FAT3: variants seen among roughly 807,000 people sequenced by gnomAD.
The protein encoded by FAT3 is protocadherin Fat 3.
In FAT3, 95 loss-of-function variants were observed where a neutral mutation model predicts 310.2. The observed-to-expected ratio is 0.31, with a 90% confidence interval of 0.26 to 0.36. The LOEUF is 0.36. Among genes scored for constraint, FAT3 ranks in the 10% least tolerant of loss-of-function variants. The pLI is 1.00. For synonymous variants in FAT3, 2,314 were observed against 2,192.9 expected (o/e 1.06, Z -1.54); for missense variants, 5,408 against 5,715.6 (o/e 0.95, Z 1.74).
At chr11:92,308,984 T>A (rs1228300530) in intron 1 of FAT3, among the ~76,000 whole-genome samples, 1 of 152,100 alleles carries the variant, frequency 6.6e-6, no homozygotes, top group African/African-American at 2.4e-5. Flanking sequence ...TCTGGAATTC[T>A]ACGCCCCCGG....
chr11:92,466,979 T>C (rs1951778985), intron 2 of FAT3, among the ~76,000 whole-genome samples: 1 of 152,092 alleles, frequency 6.6e-6, no homozygotes, highest in African/African-American at 2.4e-5. Context: ...ATCCAGTCTA[T>C]CATTGTTGGA....
At chr11:92,801,958 A>C in intron 10 of FAT3, 49 bp downstream of exon 10, 1 of 1,520,878 alleles carries the variant, frequency 6.6e-7, no homozygotes, top group Non-Finnish European at 9.0e-7. Flanking sequence ...TTATAAAGAA[A>C]GATGGAAGAT....
intron 1 of FAT3, among the ~76,000 whole-genome samples, chr11:92,344,445 T>G (rs1948356236): frequency 6.6e-6 from 1 of 152,172 alleles, no homozygotes; most frequent in Non-Finnish European, 1.5e-5. Context: ...TATTGCAGTA[T>G]TTGTGTTCAA....
intron 3 of FAT3, among the ~76,000 whole-genome samples, chr11:92,600,786 G>T (rs778010392): frequency 4.6e-5 from 7 of 152,130 alleles, no homozygotes; most frequent in Non-Finnish European, 7.4e-5. Flanking sequence ...AGAAAAGTAG[G>T]AAAAAGAATG....
intron 2 of FAT3, among the ~76,000 whole-genome samples, chr11:92,513,328 C>T (rs1953369719): frequency 6.6e-6 from 1 of 152,064 alleles, no homozygotes; most frequent in East Asian, 1.9e-4. Flanking sequence ...CTGTGCTGAA[C>T]AATGATTTCT....
intron 2 of FAT3, among the ~76,000 whole-genome samples, chr11:92,401,073 A>G (rs1950001995): frequency 6.6e-6 from 1 of 152,188 alleles, no homozygotes; most frequent in Non-Finnish European, 1.5e-5. Context: ...TCTTACAACA[A>G]GAGAAAAATG....
In FAT3 at chr11:92,800,404, T is replaced by C; in HGVS notation, c.7391T>C (p.Leu2464Pro). Residue 2464 changes from leucine to proline, a missense_variant, in exon 10 of 28, where the codon CTG (leucine) becomes CCG (proline). Leu to Pro is a moderately conservative substitution (Grantham distance 98, BLOSUM62 -3). Transcript: ENST00000525166. ...CATCGGAAGCAGCGGATGGAGCCTCTGTACAGTCTCAATGTGTCTGTCTCT... is the reference window on the plus strand; with the variant it reads ...CATCGGAAGCAGCGGATGGAGCCTCCGTACAGTCTCAATGTGTCTGTCTCT... ...SNHRKQRMEP[L>P]YSLNVSVSDG... 6.2e-7 allele frequency: 1 copy of C among 1,614,032 alleles called. No homozygotes were observed. The highest frequency in any genetic ancestry group is 8.5e-7 in the Non-Finnish European group (1 of 1,179,880).
chr11:92,585,087 A>G (rs974598352), intron 3 of FAT3, among the ~76,000 whole-genome samples: 6 of 152,062 alleles, frequency 3.9e-5, no homozygotes, highest in African/African-American at 1.4e-4. Context: ...GCAGTCAAAG[A>G]CAAGTTATTG....
At chr11:92,328,842 G>T (rs1394055116) in intron 1 of FAT3, among the ~76,000 whole-genome samples, 2 of 152,188 alleles carry the variant, frequency 1.3e-5, no homozygotes, top group Non-Finnish European at 2.9e-5. Flanking sequence ...GCATAGAGAA[G>T]TGGGGATATT....
intron 22 of FAT3, among the ~76,000 whole-genome samples, chr11:92,869,943 TAGA>T (rs1949344359): frequency 6.6e-6 from 1 of 152,142 alleles, no homozygotes; most frequent in African/African-American, 2.4e-5. Context: ...CTAGAGATAG[TAGA>T]AGGAGGAGCT....
At chr11:92,568,489 A>G (rs540817452) in intron 3 of FAT3, among the ~76,000 whole-genome samples, 1 of 152,290 alleles carries the variant, frequency 6.6e-6, no homozygotes, top group Admixed American at 6.5e-5. Flanking sequence ...TGATGCTAGC[A>G]ATGGAAAGAA....
intron 3 of FAT3, among the ~76,000 whole-genome samples, chr11:92,587,616 A>G (rs912365563): frequency 6.6e-6 from 1 of 151,972 alleles, no homozygotes; most frequent in Non-Finnish European, 1.5e-5. Flanking sequence ...TGAGTATTTC[A>G]TTCTGTTTTT....
At chr11:92,240,972 T>C (rs1864651261) in intron 1 of FAT3, among the ~76,000 whole-genome samples, 1 of 151,884 alleles carries the variant, frequency 6.6e-6, no homozygotes, top group African/African-American at 2.4e-5. Context: ...ATCATTTCTG[T>C]TTTTACTTTG....
intron 3 of FAT3, among the ~76,000 whole-genome samples, chr11:92,568,812 G>T (rs986559515): frequency 6.6e-6 from 1 of 152,094 alleles, no homozygotes; most frequent in African/African-American, 2.4e-5. Flanking sequence ...CTTCCCCTCT[G>T]CAGTCTTCCC....
At chr11:92,552,272 TTCTC>T (rs1243749232) in intron 3 of FAT3, among the ~76,000 whole-genome samples, 30 of 152,316 alleles carry the variant, frequency 2.0e-4, no homozygotes, top group African/African-American at 6.7e-4. Flanking sequence ...GACACATTCT[TTCTC>T]TCTTAAAATA....
intron 2 of FAT3, among the ~76,000 whole-genome samples, chr11:92,450,160 G>A (rs976048039): frequency 6.6e-6 from 1 of 152,224 alleles, no homozygotes; most frequent in Non-Finnish European, 1.5e-5. Context: ...AGCGTTGGCA[G>A]CCTCGTTGAG....
chr11:92,759,797 C>T (rs764615067), intron 4 of FAT3, among the ~76,000 whole-genome samples: 14 of 152,084 alleles, frequency 9.2e-5, no homozygotes, highest in Non-Finnish European at 1.6e-4. Flanking sequence ...TAGTGAGCAG[C>T]GAACTGTTGC....
In FAT3 at chr11:92,653,993, A is replaced by G. The variant is rs1942481176; in HGVS notation, c.3608-43391A>G. Among the ~76,000 whole-genome samples, 3 of 152,154 alleles carry G rather than the reference A, an allele frequency of 2.0e-5. No homozygotes were observed. The South Asian group carries it at 6.2e-4, about 32-fold the overall frequency. On this transcript the variant is annotated intron_variant, in intron 3 of 27. Coordinates refer to ENST00000525166, the MANE Select transcript of FAT3 (RefSeq NM_001367949.2). ...TCTTTAGTTTTAAATTTTGCTTTCA[A>G]ATTTTTAAATTACCCCATTATAAGG...
intron 1 of FAT3, among the ~76,000 whole-genome samples, chr11:92,248,699 C>T (rs1865023489): frequency 1.3e-5 from 2 of 152,024 alleles, no homozygotes; most frequent in African/African-American, 2.4e-5. Flanking sequence ...TTGATGGGAA[C>T]AGTACTTGGA....
Sources: gnomAD v4.1 joint callset for allele counts (sites outside exome capture counted in the v4.1 genomes callset) on GRCh38, gnomAD v4.1.1 for gene constraint, MANE v1.5 for transcripts, NCBI Gene and HGNC (gene_info 2026-07-23, HGNC 2026-07-21) for gene names.